EIF4G3: variants seen among roughly 807,000 people sequenced by gnomAD.
EIF4G3 encodes eukaryotic translation initiation factor 4 gamma 3, also known as eIF-4-gamma 3.
In EIF4G3, 34 loss-of-function variants were observed where a neutral mutation model predicts 186.4. The ratio of observed to expected loss-of-function variants is 0.18; its 90% CI spans 0.14 to 0.24. EIF4G3 has a LOEUF of 0.24. Ranked by LOEUF, EIF4G3 falls within the 10% of genes least tolerant of loss-of-function variation. EIF4G3 has a pLI of 1.00. For missense variants in EIF4G3, 1,536 were observed against 1,948.5 expected (o/e 0.79, Z 3.99); for synonymous variants, 673 against 679.5 (o/e 0.99, Z 0.15).
intron 14 of EIF4G3, among the ~76,000 whole-genome samples, chr1:20,929,069 C>A (rs1024789652): frequency 6.6e-6 from 1 of 152,198 alleles, no homozygotes; most frequent in African/African-American, 2.4e-5. Context: ...CATTCCTTAT[C>A]ATGGTCCGAT....
chr1:20,990,331 T>TAC (rs2080800324), intron 7 of EIF4G3, among the ~76,000 whole-genome samples: 1 of 152,050 alleles, frequency 6.6e-6, no homozygotes, highest in Admixed American at 6.6e-5. Context: ...GCAAAAAGAT[T>TAC]ACAACTCACT....
chr1:20,934,556 G>A (rs887932711), intron 14 of EIF4G3, among the ~76,000 whole-genome samples: 10 of 152,112 alleles, frequency 6.6e-5, no homozygotes, highest in Non-Finnish European at 1.3e-4. Flanking sequence ...AGAAGGAGAC[G>A]AGGTCATGTG....
intron 12 of EIF4G3, among the ~76,000 whole-genome samples, chr1:20,964,417 T>C (rs1450096270): frequency 1.3e-5 from 2 of 152,218 alleles, no homozygotes; most frequent in African/African-American, 4.8e-5. Flanking sequence ...AACATGTATA[T>C]ACACATATGC....
At chr1:21,055,319 GAAGTT>G (rs1247524236) in intron 3 of EIF4G3, among the ~76,000 whole-genome samples, 1 of 151,946 alleles carries the variant, frequency 6.6e-6, no homozygotes, top group Non-Finnish European at 1.5e-5. Context: ...AGAGAGCAAA[GAAGTT>G]AACTATATAA....
intron 2 of EIF4G3, among the ~76,000 whole-genome samples, chr1:21,110,040 A>G (rs2096693133): frequency 6.6e-6 from 1 of 152,212 alleles, no homozygotes; most frequent in South Asian, 2.1e-4. Flanking sequence ...CACCTGCCTC[A>G]GCCTCCCAAA....
At chr1:21,129,628 T>C (rs368306480) in intron 2 of EIF4G3, among the ~76,000 whole-genome samples, 16 of 152,110 alleles carry the variant, frequency 1.1e-4, no homozygotes, top group Admixed American at 6.6e-5. Context: ...TTTTCTGCTA[T>C]GAAGCAGAGG....
intron 12 of EIF4G3, among the ~76,000 whole-genome samples, chr1:20,959,695 AATC>A (rs2096529046): frequency 6.8e-6 from 1 of 146,358 alleles, no homozygotes; most frequent in South Asian, 2.2e-4. Context: ...TAATAATAAT[AATC>A]CCATCAAAAA....
chr1:20,913,894 C>T (rs760285206), intron 14 of EIF4G3, among the ~76,000 whole-genome samples: 17 of 150,798 alleles, frequency 1.1e-4, no homozygotes, highest in Non-Finnish European at 1.3e-4. Context: ...GCAAGCTCCG[C>T]CTCCCGGGTT....
At chr1:21,121,668 G>A (rs761386842) in intron 2 of EIF4G3, among the ~76,000 whole-genome samples, 14 of 151,738 alleles carry the variant, frequency 9.2e-5, no homozygotes, top group Non-Finnish European at 5.9e-5. Context: ...CCAGCTACTC[G>A]GGAGGCTAAG....
intron 30 of EIF4G3, among the ~76,000 whole-genome samples, chr1:20,834,857 G>A (rs1307264296): frequency 6.6e-6 from 1 of 152,152 alleles, no homozygotes; most frequent in East Asian, 1.9e-4. Context: ...GAAACATTGG[G>A]CTTGAATTAT....
intron 4 of EIF4G3, among the ~76,000 whole-genome samples, chr1:21,026,883 G>A (rs2092180572): frequency 6.7e-6 from 1 of 149,064 alleles, no homozygotes; most frequent in Non-Finnish European, 1.5e-5. Flanking sequence ...GTTGCAGTGA[G>A]CTGAGATCGC....
intron 3 of EIF4G3, among the ~76,000 whole-genome samples, chr1:21,056,634 T>C (rs2094572772): frequency 6.6e-6 from 1 of 152,246 alleles, no homozygotes; most frequent in Admixed American, 6.5e-5. Context: ...CTGAATCCTC[T>C]ATTATCTAGC....
chr1:21,126,007 C>A (rs2097033788), intron 2 of EIF4G3, among the ~76,000 whole-genome samples: 1 of 151,504 alleles, frequency 6.6e-6, no homozygotes, highest in Non-Finnish European at 1.5e-5. Context: ...AGTTTGAGAC[C>A]AGCCTGGGCA....
intron 3 of EIF4G3, among the ~76,000 whole-genome samples, chr1:21,056,924 G>A (rs1000858448): frequency 2.0e-5 from 3 of 152,156 alleles, no homozygotes; most frequent in Non-Finnish European, 4.4e-5. Context: ...ATTTCTTGTA[G>A]TGCAATATAT....
chr1:21,058,280 C>A lies in EIF4G3; in HGVS notation c.-195-7286G>T, dbSNP rs531495350. 6.6e-5 allele frequency among the ~76,000 whole-genome samples: 10 copies of A among 152,208 alleles called. 1 individual carries two copies. The highest frequency in any genetic ancestry group is 6.2e-4 in the South Asian group (3 of 4,816). ...AAGAGAATGGCCACTCCCCAGAGGGCAGCAGATACTGAGATACTCTCCTGT... is the reference window on the plus strand; with the variant it reads ...AAGAGAATGGCCACTCCCCAGAGGGAAGCAGATACTGAGATACTCTCCTGT... On this transcript the variant is annotated intron_variant, in intron 3 of 36. Transcript: ENST00000602326.
intron 4 of EIF4G3, among the ~76,000 whole-genome samples, chr1:21,034,041 A>G (rs930342958): frequency 1.3e-5 from 2 of 152,176 alleles, no homozygotes; most frequent in Non-Finnish European, 2.9e-5. Flanking sequence ...GAGTTCAAGA[A>G]CTATGATTAT....
chr1:20,913,959 G>A (rs1197624208), intron 14 of EIF4G3, among the ~76,000 whole-genome samples: 2 of 151,756 alleles, frequency 1.3e-5, no homozygotes, highest in South Asian at 2.1e-4. Flanking sequence ...GGCGCATGCC[G>A]CCACGCCTGG....
intron 7 of EIF4G3, among the ~76,000 whole-genome samples, chr1:20,992,174 G>A (rs913714679): frequency 6.6e-6 from 1 of 152,044 alleles, no homozygotes; most frequent in Non-Finnish European, 1.5e-5. Flanking sequence ...CTTGTACCAA[G>A]CTCCAAAAAA....
chr1:20,830,857 AT>A lies in EIF4G3; in HGVS notation c.4062-1586del, dbSNP rs3835562. Among the ~76,000 whole-genome samples the A allele has an allele frequency of 7.0e-3, 1,062 of 151,496 alleles. 43 individuals are homozygous for A. Among genetic ancestry groups the A allele is most frequent in the Admixed American group, 0.05 (754 of 15,174 alleles). On this transcript the variant is annotated intron_variant, in intron 30 of 36. Coordinates refer to ENST00000602326, the MANE Select transcript of EIF4G3 (RefSeq NM_001391906.1). ...CATAGAACAAGCCTGTAAGAAGCTT[AT>A]TTTTTTTTCAGGTTTACAGTTCTTA...
Sources: allele counts gnomAD v4.1 joint callset (sites outside exome capture counted in the v4.1 genomes callset), GRCh38; gene constraint gnomAD v4.1.1; transcripts MANE v1.5; gene names NCBI Gene and HGNC (gene_info 2026-07-23, HGNC 2026-07-21).